LGSN: variants seen among roughly 807,000 people sequenced by gnomAD.
The protein encoded by LGSN is lengsin.
A neutral mutation model predicts 19.5 loss-of-function variants in LGSN; 21 were observed. The ratio of observed to expected loss-of-function variants is 1.07; its 90% CI spans 0.76 to 1.55. The LOEUF (loss-of-function observed/expected upper bound fraction) is 1.55, where lower values mean the gene tolerates loss of function less well. LGSN is among the 40% of genes most tolerant of loss of function. LGSN has a pLI of 0.00. For missense variants in LGSN, 673 were observed against 608.5 expected (o/e 1.11, Z -1.12); for synonymous variants, 257 against 215.6 (o/e 1.19, Z -1.68).
the LGSN span, among the ~76,000 whole-genome samples, chr6:63,468,073 G>A: frequency 2.0e-5 from 3 of 152,052 alleles, no homozygotes; most frequent in Non-Finnish European, 2.9e-5. Context: ...TGACTTTTTT[G>A]AGAAGACAAA....
the LGSN span, among the ~76,000 whole-genome samples, chr6:63,462,703 G>C: frequency 1.3e-5 from 2 of 152,292 alleles, no homozygotes; most frequent in East Asian, 3.9e-4. Context: ...CAACCAAGGA[G>C]TGTTTCCAGA....
chr6:63,320,948 A>G (rs1304300787), upstream of LGSN, among the ~76,000 whole-genome samples: 2 of 152,110 alleles, frequency 1.3e-5, no homozygotes, highest in Non-Finnish European at 2.9e-5. Context: ...TTCCATTGGT[A>G]CTTGTTCCAT....
At chr6:63,420,283 A>T in the LGSN span, among the ~76,000 whole-genome samples, 1 of 152,094 alleles carries the variant, frequency 6.6e-6, no homozygotes, top group Non-Finnish European at 1.5e-5. Context: ...CTGGGCCCAT[A>T]AAACTACAGT....
At chr6:63,426,074 C>T in the LGSN span, among the ~76,000 whole-genome samples, 2 of 151,912 alleles carry the variant, frequency 1.3e-5, no homozygotes, top group African/African-American at 4.8e-5. Flanking sequence ...AGGGAAAGGA[C>T]CACAATTCTC....
At chr6:63,349,517 C>G in the LGSN span, among the ~76,000 whole-genome samples, 1 of 152,222 alleles carries the variant, frequency 6.6e-6, no homozygotes, top group African/African-American at 2.4e-5. Context: ...CTAAGAAAGT[C>G]TGACCTAATC....
the LGSN span, among the ~76,000 whole-genome samples, chr6:63,563,227 G>T: frequency 6.6e-6 from 1 of 152,172 alleles, no homozygotes; most frequent in African/African-American, 2.4e-5. Flanking sequence ...CTGATATGTG[G>T]TGTGATTCAC....
chr6:63,467,519 G>T, the LGSN span, among the ~76,000 whole-genome samples: 1 of 152,138 alleles, frequency 6.6e-6, no homozygotes, highest in African/African-American at 2.4e-5. Flanking sequence ...CACCAGGTTT[G>T]GTTTCTCCTA....
chr6:63,335,989 A>G, the LGSN span, among the ~76,000 whole-genome samples: 4 of 152,364 alleles, frequency 2.6e-5, no homozygotes, highest in South Asian at 8.3e-4. Flanking sequence ...CAGAAAGACA[A>G]ATATTGAATA....
chr6:63,374,940 G>GA, the LGSN span, among the ~76,000 whole-genome samples: 7 of 148,334 alleles, frequency 4.7e-5, no homozygotes, highest in African/African-American at 7.4e-5. Context: ...CTGGAAAAGA[G>GA]AAAAAAAAAA....
At position 63,280,374 on chromosome 6, in the gene LGSN, AT is replaced by A; in HGVS notation, c.1176del (p.Phe393LeufsTer13). The A allele has an allele frequency of 6.2e-7, 1 of 1,614,072 alleles. No homozygotes were observed. Among genetic ancestry groups the A allele is most frequent in the Non-Finnish European group, 8.5e-7 (1 of 1,180,026 alleles). On this transcript the variant is annotated frameshift_variant, in exon 4 of 4. Coordinates refer to ENST00000370657, the MANE Select transcript of LGSN (RefSeq NM_016571.3). LOFTEE classifies it low-confidence loss of function (END_TRUNC). ...TTCTCTCCATGACATTTGATATTAAATATACAGCTGTTGTCATTGTATCCCC... is the reference window on the plus strand; with the variant it reads ...TTCTCTCCATGACATTTGATATTAAAATACAGCTGTTGTCATTGTATCCCC... ...TTWGYNDNSC[I>X]FNIKCHGEKG...
chr6:63,408,134 T>C, the LGSN span, among the ~76,000 whole-genome samples: 19 of 152,278 alleles, frequency 1.2e-4, no homozygotes, highest in African/African-American at 3.8e-4. Context: ...AATGCCATCC[T>C]CATCAAGCTA....
chr6:63,314,785 G>A (rs114215665), intron 1 of LGSN, among the ~76,000 whole-genome samples: 132 of 152,258 alleles, frequency 8.7e-4, no homozygotes, highest in African/African-American at 3.0e-3. Flanking sequence ...CATAGTTATA[G>A]TGGAAACTGA....
chr6:63,295,540 ATTTAC>A (rs1260827421), intron 1 of LGSN, among the ~76,000 whole-genome samples: 9 of 152,298 alleles, frequency 5.9e-5, no homozygotes, highest in South Asian at 2.1e-4. Context: ...TTGCATCAAT[ATTTAC>A]TTCACTTCAA....
chr6:63,438,712 C>T, the LGSN span, among the ~76,000 whole-genome samples: 1 of 152,174 alleles, frequency 6.6e-6, no homozygotes, highest in Admixed American at 6.5e-5. Context: ...ACAACAGGTG[C>T]TGGAGAGGAT....
chr6:63,297,405 T>C (rs1768018707), intron 1 of LGSN, among the ~76,000 whole-genome samples: 1 of 151,652 alleles, frequency 6.6e-6, no homozygotes, highest in Non-Finnish European at 1.5e-5. Flanking sequence ...ACATACCTTT[T>C]ACTCCATAAA....
chr6:63,350,873 A>G, the LGSN span, among the ~76,000 whole-genome samples: 1 of 151,824 alleles, frequency 6.6e-6, no homozygotes, highest in African/African-American at 2.4e-5. Context: ...AACAAAAACG[A>G]GTTCAGACGA....
At chr6:63,371,781 T>G in the LGSN span, among the ~76,000 whole-genome samples, 19,528 of 152,218 alleles carry the variant, frequency 0.13, 2,818 homozygotes, top group African/African-American at 0.36. Flanking sequence ...GTTCCTGGAT[T>G]TAGACAATGT....
chr6:63,507,386 G>C, the LGSN span, among the ~76,000 whole-genome samples: 1 of 152,158 alleles, frequency 6.6e-6, no homozygotes, highest in Non-Finnish European at 1.5e-5. Context: ...TGAGATACAT[G>C]TGCATATAAT....
the LGSN span, among the ~76,000 whole-genome samples, chr6:63,494,681 C>T: frequency 1.3e-5 from 2 of 152,202 alleles, no homozygotes; most frequent in Non-Finnish European, 2.9e-5. Flanking sequence ...AGGCTGGATT[C>T]AAACTCTTGA....
Sources: gnomAD v4.1 joint callset for allele counts (sites outside exome capture counted in the v4.1 genomes callset) on GRCh38, gnomAD v4.1.1 for gene constraint, MANE v1.5 for transcripts, NCBI Gene and HGNC (gene_info 2026-07-23, HGNC 2026-07-21) for gene names.